Variants in NOL4L observed in about 807,000 individuals in gnomAD.
NOL4L encodes the protein nucleolar protein 4 like, also known as nucleolar protein 4-like.
In NOL4L, 7 loss-of-function variants were observed where a neutral mutation model predicts 64.5. The observed-to-expected ratio is 0.11, with a 90% CI of 0.06 to 0.20. The LOEUF (loss-of-function observed/expected upper bound fraction) is 0.20. Ranked by LOEUF, NOL4L falls within the 10% of genes least tolerant of loss-of-function variation. The pLI is 1.00. For missense variants in NOL4L, 680 were observed against 967.1 expected (o/e 0.70, Z 3.94); for synonymous variants, 413 against 401.0 (o/e 1.03, Z -0.36).
chr20:32,487,276 A>G (rs911494364), intron 4 of NOL4L, among the ~76,000 whole-genome samples: 1 of 152,072 alleles, frequency 6.6e-6, no homozygotes, highest in Non-Finnish European at 1.5e-5. Flanking sequence ...CTCAAAAAAA[A>G]TTAAAGAGAG....
chr20:32,461,771 T>TAGG (rs1186565964), intron 5 of NOL4L, among the ~76,000 whole-genome samples: 19 of 148,658 alleles, frequency 1.3e-4, no homozygotes, highest in East Asian at 2.1e-4. Context: ...TTGGAAGAAA[T>TAGG]TACCTATTTC....
At chr20:32,461,944 C>A (rs1467626743) in intron 5 of NOL4L, among the ~76,000 whole-genome samples, 1 of 152,024 alleles carries the variant, frequency 6.6e-6, no homozygotes, top group Non-Finnish European at 1.5e-5. Flanking sequence ...CACACCCCTC[C>A]CTCTGGTGGG....
At chr20:32,471,655 C>T (rs2015028281) in intron 5 of NOL4L, among the ~76,000 whole-genome samples, 1 of 152,120 alleles carries the variant, frequency 6.6e-6, no homozygotes, top group African/African-American at 2.4e-5. Context: ...CTCCAAATCT[C>T]ATGGTGAAAT....
In NOL4L at chr20:32,447,199, T is replaced by C. The variant is rs1336741081; in HGVS notation, c.*397A>G. 6.4e-6 allele frequency: 3 copies of C among 471,274 alleles called. No homozygotes were observed. Among genetic ancestry groups the C allele is most frequent in the Non-Finnish European group, 1.3e-5 (3 of 238,176 alleles). The allele number at this position is 471,274 out of a possible 1,614,324, so 29.2% of individuals were successfully genotyped here. Reference sequence around the variant, plus strand: ...GGGGAGAGGAAGAAAGGGTCCACTTTGCTTTTCTCAATAAATATGCAATTC... The same window carrying C: ...GGGGAGAGGAAGAAAGGGTCCACTTCGCTTTTCTCAATAAATATGCAATTC... On this transcript the variant is annotated 3_prime_UTR_variant, in exon 11 of 11. Coordinates refer to ENST00000621426, the MANE Select transcript of NOL4L (RefSeq NM_001256798.2).
At chr20:32,449,839 TG>T (rs1162205833) in intron 10 of NOL4L, 1 of 152,356 alleles carries the variant, frequency 6.6e-6, no homozygotes, top group Non-Finnish European at 1.5e-5. Context: ...CTCTGCGTCA[TG>T]CTTGGGAGTG....
chr20:32,466,059 C>T lies in NOL4L; in HGVS notation c.841+8542G>A, dbSNP rs577661395. On this transcript the variant is annotated intron_variant, in intron 5 of 10. Transcript: ENST00000621426. Reference sequence around the variant, plus strand: ...CTTGGCTCACTGCAACCTCCACCTCCTGGGTTCAAGCGATTCTCCTGCCTT... The same window carrying T: ...CTTGGCTCACTGCAACCTCCACCTCTTGGGTTCAAGCGATTCTCCTGCCTT... 4.6e-5 allele frequency among the ~76,000 whole-genome samples: 7 copies of T among 151,816 alleles called. No individual in the cohort carries two copies. In the South Asian group the frequency reaches 1.5e-3, roughly 32 times the overall value.
rs2145430581 is a variant in NOL4L, at chr20:32,453,963, C to T, written c.1120-202G>A. ...AATGGGGACAGCAATGCTACCACCT[C>T]CCTCCCTGGGCTGCCGCAGGGAGGA... On this transcript the variant is annotated intron_variant, in intron 6 of 10. Coordinates refer to ENST00000621426, the MANE Select transcript of NOL4L (RefSeq NM_001256798.2). This position sits in a 1 kb window ranked among gnomAD's most constrained non-coding sequence, Gnocchi z 5.6. 1.7e-6 allele frequency: 1 copy of T among 595,604 alleles called. No individual in the cohort carries two copies. Among genetic ancestry groups the T allele is most frequent in the African/African-American group, 1.9e-5 (1 of 53,860 alleles). The allele number at this position is 595,604 out of a possible 1,614,324, so 36.9% of individuals were successfully genotyped here. A position where few individuals can be genotyped will look rare whatever the true frequency, so the allele number is the denominator to read the frequency against.
At chr20:32,509,512 T>G (rs539068485) in intron 4 of NOL4L, among the ~76,000 whole-genome samples, 1 of 90,878 alleles carries the variant, frequency 1.1e-5, no homozygotes. Context: ...AGTGAGACTC[T>G]GCCTCAAAAA....
At chr20:32,564,024 A>C (rs1460945226) in intron 1 of NOL4L, among the ~76,000 whole-genome samples, 2 of 152,184 alleles carry the variant, frequency 1.3e-5, no homozygotes, top group Non-Finnish European at 2.9e-5. Flanking sequence ...AATTTGCACG[A>C]GAGGAGACAA....
intron 10 of NOL4L, among the ~76,000 whole-genome samples, chr20:32,450,672 A>T (rs1181116242): frequency 6.6e-6 from 1 of 152,158 alleles, no homozygotes; most frequent in East Asian, 1.9e-4. Context: ...GAAATAGGTC[A>T]TGCTGGGTGG....
intron 1 of NOL4L, among the ~76,000 whole-genome samples, chr20:32,542,449 G>T (rs1431018400): frequency 6.6e-6 from 1 of 152,124 alleles, no homozygotes; most frequent in East Asian, 1.9e-4. Flanking sequence ...GACCTCCAAG[G>T]CTTAAGCAAT....
At chr20:32,581,443 CG>C (rs370162294) in intron 1 of NOL4L, among the ~76,000 whole-genome samples, 4 of 152,292 alleles carry the variant, frequency 2.6e-5, no homozygotes, top group African/African-American at 9.6e-5. Flanking sequence ...CGAGGCTGGC[CG>C]GGACTAGGAG....
At chr20:32,514,468 G>C (rs1468979216) in intron 3 of NOL4L, among the ~76,000 whole-genome samples, 2 of 151,848 alleles carry the variant, frequency 1.3e-5, no homozygotes, top group African/African-American at 4.8e-5. Flanking sequence ...CTCCAGCCTG[G>C]TGACAGAGCA....
intron 10 of NOL4L, among the ~76,000 whole-genome samples, chr20:32,450,784 G>A (rs1463221667): frequency 6.6e-6 from 1 of 152,186 alleles, no homozygotes; most frequent in Non-Finnish European, 1.5e-5. Flanking sequence ...ATGTGTAGGG[G>A]GGGCAGGGCT....
chr20:32,519,422 C>A (rs1426419816), intron 3 of NOL4L: 1 of 152,202 alleles, frequency 6.6e-6, no homozygotes, highest in Non-Finnish European at 1.5e-5. Context: ...TACTTGAGTG[C>A]CACCCGGATA....
intron 1 of NOL4L, among the ~76,000 whole-genome samples, chr20:32,545,869 ATTC>A (rs138736015): frequency 0.13 from 20,232 of 151,774 alleles, 1,900 homozygotes; most frequent in African/African-American, 0.27. Context: ...GATTGCCATT[ATTC>A]TTGTGTCCAG....
At chr20:32,452,164 T>C (rs2012980004) in intron 10 of NOL4L, 72 bp downstream of exon 10, 3 of 1,344,806 alleles carry the variant, frequency 2.2e-6, no homozygotes, top group Non-Finnish European at 2.9e-6. Context: ...CCCATTCCGC[T>C]GCCCAGGGCT....
At chr20:32,555,256 G>A (rs1160494453) in intron 1 of NOL4L, among the ~76,000 whole-genome samples, 1 of 152,090 alleles carries the variant, frequency 6.6e-6, no homozygotes, top group Non-Finnish European at 1.5e-5. Context: ...CAATTCATAT[G>A]TTGAAGTCCT....
chr20:32,510,829 C>G (rs139929633), intron 4 of NOL4L, among the ~76,000 whole-genome samples: 16 of 152,216 alleles, frequency 1.1e-4, no homozygotes, highest in African/African-American at 3.9e-4. Context: ...CTTTTCATAG[C>G]CTGTTTCCAT....
Sources: allele counts gnomAD v4.1 joint callset (sites outside exome capture counted in the v4.1 genomes callset), GRCh38; gene constraint gnomAD v4.1.1; non-coding constraint Gnocchi (gnomAD v3.1); transcripts MANE v1.5; gene names NCBI Gene and HGNC (gene_info 2026-07-23, HGNC 2026-07-21).